The following TENM3 variants were observed in gnomAD, a reference collection of about 807,000 sequenced individuals.
TENM3 encodes the protein teneurin-3.
Under a neutral mutation model 255.1 loss-of-function variants are expected in TENM3, and 63 were observed. That is an observed-to-expected ratio of 0.25 (90% CI 0.20 to 0.30). The LOEUF is 0.30. TENM3 is among the 10% of genes least tolerant of loss of function. TENM3 has a pLI of 1.00. For missense variants in TENM3, 2,929 were observed against 3,461.1 expected, an observed-to-expected ratio of 0.85 and a Z score of 3.86; for synonymous variants, 1,306 against 1,322.3, an observed-to-expected ratio of 0.99 and a Z score of 0.27.
rs867282125 is a variant in TENM3 at position 182,376,675 on chromosome 4, G to A, written c.511+29746G>A. Among the ~76,000 whole-genome samples the A allele has an allele frequency of 3.3e-5, 5 of 152,252 alleles. No homozygotes were observed. In the Middle Eastern group the frequency reaches 0.01, roughly 313 times the overall value. ...AGCAGCAACGTGGCAGAGGAGGGAG[G>A]TGGCTGAACCGGAGTCAGTGTACAG... On this transcript the variant is annotated intron_variant, in intron 3 of 27. Transcript: ENST00000511685.
At chr4:182,433,126 T>C (rs13143657) in intron 3 of TENM3, among the ~76,000 whole-genome samples, 73,259 of 151,866 alleles carry the variant, frequency 0.48, 18,107 homozygotes, top group South Asian at 0.6. Flanking sequence ...GAGGTAGTGA[T>C]TGTGGTGATG....
At chr4:182,114,020 A>G in the TENM3 span, among the ~76,000 whole-genome samples, 1 of 152,192 alleles carries the variant, frequency 6.6e-6, no homozygotes, top group South Asian at 2.1e-4. Flanking sequence ...CCTTTATAGT[A>G]ACTGAAGTCA....
the TENM3 span, among the ~76,000 whole-genome samples, chr4:181,449,522 G>A: frequency 0.3 from 45,166 of 152,084 alleles, 6,994 homozygotes; most frequent in Middle Eastern, 0.36. Context: ...GGTGGCTCAC[G>A]CCTGTAATCC....
At chr4:182,718,105 T>C (rs1023302929) in intron 13 of TENM3, among the ~76,000 whole-genome samples, 2 of 152,110 alleles carry the variant, frequency 1.3e-5, no homozygotes, top group Non-Finnish European at 2.9e-5. Context: ...TTGAAGGTTC[T>C]ACTTGACCAT....
At chr4:181,522,189 T>C in the TENM3 span, among the ~76,000 whole-genome samples, 1 of 145,932 alleles carries the variant, frequency 6.9e-6, no homozygotes, top group South Asian at 2.2e-4. Flanking sequence ...ATAGAGCAGA[T>C]ACATCATTAT....
chr4:181,640,805 T>C, the TENM3 span, among the ~76,000 whole-genome samples: 223 of 152,254 alleles, frequency 1.5e-3, 2 homozygotes, highest in East Asian at 0.022. Flanking sequence ...AGGTTGACAG[T>C]CCTCTACCAA....
chr4:182,789,435 A>AT lies in TENM3; in HGVS notation c.5601+51dup. 2.6e-6 allele frequency: 4 copies of AT among 1,543,330 alleles called. No homozygotes were observed. In the South Asian group the frequency reaches 4.9e-5, roughly 19 times the overall value. On this transcript the variant is annotated intron_variant, in intron 25 of 27. Transcript: ENST00000511685. This position sits in a 1 kb window ranked among gnomAD's most constrained non-coding sequence, Gnocchi z 4.4. ...CAACAATAGGGAAAGGATAATTCACATTTTTCAGCAATCATCCAGAGCACT... is the reference window on the plus strand; with the variant it reads ...CAACAATAGGGAAAGGATAATTCACATTTTTTCAGCAATCATCCAGAGCACT...
chr4:181,811,761 C>T, the TENM3 span, among the ~76,000 whole-genome samples: 5 of 152,176 alleles, frequency 3.3e-5, no homozygotes, highest in African/African-American at 9.7e-5. Context: ...AAATCACCCA[C>T]GTGATTCAAT....
chr4:182,290,666 C>T (rs1345165990), intron 1 of TENM3, among the ~76,000 whole-genome samples: 1 of 151,206 alleles, frequency 6.6e-6, no homozygotes, highest in African/African-American at 2.4e-5. Flanking sequence ...CCACGCCCAG[C>T]TAATTTTTTT....
chr4:181,745,329 G>T, the TENM3 span, among the ~76,000 whole-genome samples: 1 of 151,912 alleles, frequency 6.6e-6, no homozygotes, highest in Non-Finnish European at 1.5e-5. Context: ...AGAGAAATTG[G>T]GAAATGGAGA....
At chr4:181,482,523 T>C in the TENM3 span, among the ~76,000 whole-genome samples, 1 of 152,180 alleles carries the variant, frequency 6.6e-6, no homozygotes, top group Non-Finnish European at 1.5e-5. Flanking sequence ...TGGAGATATG[T>C]ATGATTCTTC....
chr4:182,306,235 C>T (rs1021921933), intron 1 of TENM3, among the ~76,000 whole-genome samples: 1 of 151,552 alleles, frequency 6.6e-6, no homozygotes, highest in African/African-American at 2.4e-5. Flanking sequence ...CCTCTGTCAC[C>T]CAGGCTGGAG....
At chr4:182,724,900 A>G (rs1760040680) in intron 13 of TENM3, among the ~76,000 whole-genome samples, 1 of 152,234 alleles carries the variant, frequency 6.6e-6, no homozygotes, top group Non-Finnish European at 1.5e-5. Flanking sequence ...TATTCTCCCA[A>G]GCATATGTAC....
chr4:181,637,633 C>T, the TENM3 span, among the ~76,000 whole-genome samples: 933 of 152,316 alleles, frequency 6.1e-3, 10 homozygotes, highest in African/African-American at 0.021. Flanking sequence ...CTAATTACCT[C>T]CGAAAGGCCC....
At chr4:182,198,728 C>T (rs892183399) in intron 1 of TENM3, among the ~76,000 whole-genome samples, 1 of 152,152 alleles carries the variant, frequency 6.6e-6, no homozygotes, top group African/African-American at 2.4e-5. Flanking sequence ...GCTCCTGGCT[C>T]AGGCCTGGGC....
intron 1 of TENM3, among the ~76,000 whole-genome samples, chr4:182,159,458 G>A (rs74380297): frequency 1.0e-4 from 2 of 19,364 alleles, no homozygotes; most frequent in African/African-American, 2.0e-4. Context: ...GTGTGTGTGT[G>A]TGTGTGTGTG....
intron 12 of TENM3, among the ~76,000 whole-genome samples, chr4:182,701,210 C>CTTTTTTTTTTTTGTT (rs1757835378): frequency 2.6e-5 from 1 of 38,644 alleles, no homozygotes; most frequent in Non-Finnish European, 4.3e-5. Flanking sequence ...CAACTCTTGA[C>CTTTTTTTTTTTTGTT]TTTTTTTTTT....
chr4:182,066,605 T>C, the TENM3 span, among the ~76,000 whole-genome samples: 2 of 140,726 alleles, frequency 1.4e-5, no homozygotes, highest in Admixed American at 7.0e-5. Flanking sequence ...AAAAAATATA[T>C]ATATATATAT....
the TENM3 span, among the ~76,000 whole-genome samples, chr4:182,041,615 T>C: frequency 0.027 from 4,174 of 152,252 alleles, 107 homozygotes; most frequent in East Asian, 0.14. Context: ...ATATAAACCA[T>C]CTTATCAAAT....
Sources: allele counts gnomAD v4.1 joint callset (sites outside exome capture counted in the v4.1 genomes callset), GRCh38; gene constraint gnomAD v4.1.1; non-coding constraint Gnocchi (gnomAD v3.1); transcripts MANE v1.5; gene names NCBI Gene and HGNC (gene_info 2026-07-23, HGNC 2026-07-21).